The following RTTN variants were observed in gnomAD, a reference collection of about 807,000 sequenced individuals.
RTTN encodes the protein rotatin.
RTTN carries 182 observed loss-of-function variants against 269.2 expected under a neutral mutation model. The ratio of observed to expected loss-of-function variants is 0.68; its 90% CI spans 0.60 to 0.76. RTTN has a LOEUF of 0.76. Ranked by LOEUF, RTTN falls within the 30% of genes least tolerant of loss-of-function variation. RTTN has a pLI of 0.00. For missense variants in RTTN, 2,545 were observed against 2,608.6 expected, an observed-to-expected ratio of 0.98 and a Z score of 0.53; for synonymous variants, 1,006 against 963.5, an observed-to-expected ratio of 1.04 and a Z score of -0.82.
At chr18:70,146,027 CAG>C (rs1234845248) in intron 17 of RTTN, among the ~76,000 whole-genome samples, 6 of 152,122 alleles carry the variant, frequency 3.9e-5, no homozygotes, top group African/African-American at 1.4e-4. Flanking sequence ...ACAAATGAGA[CAG>C]ACTCACTGAG....
At chr18:70,192,680 A>T (rs1284216121) in intron 8 of RTTN, among the ~76,000 whole-genome samples, 2 of 151,810 alleles carry the variant, frequency 1.3e-5, no homozygotes, top group African/African-American at 4.8e-5. Context: ...AAAAAAAAAA[A>T]AAAAAAAAAG....
chr18:70,190,445 G>GTAAATACA, intron 9 of RTTN, 93 bp downstream of exon 9: 3 of 771,008 alleles, frequency 3.9e-6, no homozygotes, highest in Non-Finnish European at 6.2e-6. Context: ...AGATTCCAAA[G>GTAAATACA]GCCCTAACAT....
intron 40 of RTTN, among the ~76,000 whole-genome samples, chr18:70,046,242 T>C (rs1013038279): frequency 3.9e-5 from 6 of 152,166 alleles, no homozygotes; most frequent in African/African-American, 1.4e-4. Flanking sequence ...CCAGGAGGAT[T>C]GGTTGCAGGA....
At chr18:70,072,203 A>G (rs889291669) in intron 34 of RTTN, among the ~76,000 whole-genome samples, 3 of 152,150 alleles carry the variant, frequency 2.0e-5, no homozygotes, top group Non-Finnish European at 4.4e-5. Context: ...CCATTCTAAA[A>G]GTTGTTTGGA....
intron 10 of RTTN, among the ~76,000 whole-genome samples, chr18:70,187,290 A>C (rs2061569852): frequency 6.6e-6 from 1 of 152,218 alleles, no homozygotes; most frequent in South Asian, 2.1e-4. Context: ...AACAGGGTGC[A>C]AAACAGTGTC....
At chr18:70,205,587 G>C in intron 1 of RTTN, 41 bp downstream of exon 1, 1 of 1,613,468 alleles carries the variant, frequency 6.2e-7, no homozygotes. Context: ...AGTGGCCAGA[G>C]CGCGGGGGGT....
In RTTN at chr18:70,095,155, A is replaced by T. The variant is rs1001288017; in HGVS notation, c.3904-2351T>A. On this transcript the variant is annotated intron_variant, in intron 28 of 48. Coordinates refer to ENST00000640769, the MANE Select transcript of RTTN (RefSeq NM_173630.4). ...TTTTTTTTCTTTCCATTTGCTTGGT[A>T]AATCATCCTCCATCCCTTTATTTCA... Among the ~76,000 whole-genome samples, 3 of 146,536 alleles carry T rather than the reference A, an allele frequency of 2.0e-5. No individual in the cohort carries two copies. In the East Asian group the frequency reaches 6.0e-4, roughly 29 times the overall value.
intron 46 of RTTN, among the ~76,000 whole-genome samples, chr18:70,013,397 G>A (rs2056450216): frequency 6.6e-6 from 1 of 151,720 alleles, no homozygotes; most frequent in Admixed American, 6.6e-5. Flanking sequence ...ATACATATGT[G>A]TGTGTGTGTG....
rs1349343584 is a variant in RTTN at position 70,196,406 on chromosome 18, C to T, written c.841+95G>A. The T allele has an allele frequency of 1.3e-5, 14 of 1,051,650 alleles. No homozygotes were observed. In the East Asian group the frequency reaches 1.8e-4, roughly 13 times the overall value. 65.1% of individuals were successfully genotyped at this position (1,051,650 alleles called of 1,614,324 possible). On this transcript the variant is annotated intron_variant, in intron 7 of 48. Coordinates refer to ENST00000640769, the MANE Select transcript of RTTN (RefSeq NM_173630.4). ...GTGGGGAGTTTATGTTGTGAAAATG[C>T]GTACACAATAAACCCTAACAGTAAC...
rs554404006 is a variant in RTTN at position 70,128,636 on chromosome 18, C to T, written c.2955-90G>A. On this transcript the variant is annotated intron_variant, in intron 23 of 48. Coordinates refer to ENST00000640769, the MANE Select transcript of RTTN (RefSeq NM_173630.4). ...GCCACAAATGAGGGCTAGTTCAATGCCTCCCAACCCACAATAATGCAAAGG... is the reference window on the plus strand; with the variant it reads ...GCCACAAATGAGGGCTAGTTCAATGTCTCCCAACCCACAATAATGCAAAGG... 49 of 944,052 alleles carry T rather than the reference C, an allele frequency of 5.2e-5. No individual in the cohort carries two copies. The South Asian group carries it at 6.8e-4, about 13-fold the overall frequency. 58.5% of individuals were successfully genotyped at this position (944,052 alleles called of 1,614,324 possible).
At chr18:70,138,187 G>C (rs2060170068) in intron 21 of RTTN, 1 of 152,284 alleles carries the variant, frequency 6.6e-6, no homozygotes, top group African/African-American at 2.4e-5. Context: ...GCTGAGGCAG[G>C]AGAAATGCTT....
At chr18:70,057,685 A>G in intron 37 of RTTN, 57 bp downstream of exon 37, 2 of 1,333,534 alleles carry the variant, frequency 1.5e-6, no homozygotes, top group Non-Finnish European at 2.1e-6. Flanking sequence ...CCTCAGCAAG[A>G]TTTTTATTTT....
At chr18:70,073,552 A>G (rs1232312161) in intron 34 of RTTN, among the ~76,000 whole-genome samples, 1 of 152,134 alleles carries the variant, frequency 6.6e-6, no homozygotes, top group East Asian at 1.9e-4. Flanking sequence ...CGTACTATCA[A>G]AAAAGGTAGG....
intron 46 of RTTN, among the ~76,000 whole-genome samples, chr18:70,013,839 T>C (rs1445546481): frequency 6.6e-6 from 1 of 152,160 alleles, no homozygotes; most frequent in African/African-American, 2.4e-5. Flanking sequence ...AAATATTTCC[T>C]CTCCCATTCT....
chr18:70,168,728 A>T, intron 12 of RTTN, 127 bp downstream of exon 12: 4 of 665,874 alleles, frequency 6.0e-6, no homozygotes, highest in Middle Eastern at 4.3e-4. Flanking sequence ...TGTATAATTG[A>T]CCCACTCAGG....
intron 32 of RTTN, among the ~76,000 whole-genome samples, chr18:70,076,630 C>T (rs1305036041): frequency 5.3e-5 from 8 of 152,008 alleles, no homozygotes; most frequent in South Asian, 2.1e-4. Context: ...GTTGTTACTG[C>T]TGTGTTGTAA....
At chr18:70,089,668 A>C (rs2058791185) in intron 30 of RTTN, among the ~76,000 whole-genome samples, 1 of 152,210 alleles carries the variant, frequency 6.6e-6, no homozygotes, top group African/African-American at 2.4e-5. Flanking sequence ...AAATGAGGAA[A>C]GTGTTATTTA....
chr18:70,171,244 G>C (rs576011573), intron 11 of RTTN, among the ~76,000 whole-genome samples: 2 of 152,270 alleles, frequency 1.3e-5, no homozygotes, highest in South Asian at 2.1e-4. Context: ...TGAAGAGTTA[G>C]GAAGATAAAG....
chr18:70,105,642 T>G (rs2059302387), intron 28 of RTTN, among the ~76,000 whole-genome samples: 1 of 152,172 alleles, frequency 6.6e-6, no homozygotes, highest in South Asian at 2.1e-4. Flanking sequence ...GAAATTTATT[T>G]TATTAAAGGG....
Sources: gnomAD v4.1 joint callset for allele counts (sites outside exome capture counted in the v4.1 genomes callset) on GRCh38, gnomAD v4.1.1 for gene constraint, MANE v1.5 for transcripts, NCBI Gene and HGNC (gene_info 2026-07-23, HGNC 2026-07-21) for gene names.